Variants in NIPAL2 observed in about 807,000 individuals in gnomAD.
NIPAL2 encodes the protein NIPA-like protein 2.
In NIPAL2, 43 loss-of-function variants were observed where a neutral mutation model predicts 48.9. That is an observed-to-expected ratio of 0.88 (90% CI 0.69 to 1.13). The LOEUF is 1.13. Among genes scored for constraint, NIPAL2 ranks in the 50% most tolerant of loss-of-function variants. NIPAL2 has a pLI of 0.00. For synonymous variants in NIPAL2, 167 were observed against 174.6 expected (o/e 0.96, Z 0.34); for missense variants, 446 against 461.4 (o/e 0.97, Z 0.31).
At chr8:98,246,332 A>T (rs1241533809) in intron 3 of NIPAL2, among the ~76,000 whole-genome samples, 2 of 152,246 alleles carry the variant, frequency 1.3e-5, no homozygotes, top group Admixed American at 6.5e-5. Context: ...TGATTTGAGC[A>T]AAAACCAGCA....
intron 4 of NIPAL2, among the ~76,000 whole-genome samples, chr8:98,224,760 T>C (rs6986818): frequency 0.038 from 5,347 of 139,328 alleles, 334 homozygotes; most frequent in African/African-American, 0.15. Context: ...CTTTTCTTTT[T>C]TTTTTTTTTT....
At chr8:98,251,450 T>C (rs1035162865) in intron 3 of NIPAL2, among the ~76,000 whole-genome samples, 1 of 152,220 alleles carries the variant, frequency 6.6e-6, no homozygotes, top group African/African-American at 2.4e-5. Flanking sequence ...AGTAAATGAT[T>C]ACATAAATTG....
chr8:98,282,852 T>A (rs531615376), intron 1 of NIPAL2, among the ~76,000 whole-genome samples: 1 of 152,324 alleles, frequency 6.6e-6, no homozygotes, highest in South Asian at 2.1e-4. Flanking sequence ...GAGTTAAAAC[T>A]ATAATCCTAT....
At chr8:98,266,354 C>T (rs1297763128) in intron 1 of NIPAL2, among the ~76,000 whole-genome samples, 1 of 151,512 alleles carries the variant, frequency 6.6e-6, no homozygotes. Context: ...GTAATCTTAG[C>T]ACTTTGGGAG....
chr8:98,204,344 C>T (rs1012292153), intron 7 of NIPAL2, among the ~76,000 whole-genome samples: 2 of 152,168 alleles, frequency 1.3e-5, no homozygotes, highest in South Asian at 2.1e-4. Context: ...ATTTCTCACA[C>T]CTACAGAAGG....
chr8:98,266,377 G>A (rs1226144189), intron 1 of NIPAL2, among the ~76,000 whole-genome samples: 5 of 151,996 alleles, frequency 3.3e-5, no homozygotes, highest in East Asian at 3.9e-4. Context: ...TGAGATGGGC[G>A]GATTGCCTGA....
chr8:98,242,459 T>G (rs987100765), intron 3 of NIPAL2, among the ~76,000 whole-genome samples: 2 of 147,088 alleles, frequency 1.4e-5, no homozygotes, highest in African/African-American at 5.0e-5. Flanking sequence ...AGTGCTGAGA[T>G]TACAGGCAAA....
Position 98,242,752 on chromosome 8 carries a change from A to G in NIPAL2, c.377-6538T>C, listed in dbSNP as rs369109709. Among the ~76,000 whole-genome samples, 5 of 152,054 alleles carry G rather than the reference A, an allele frequency of 3.3e-5. No individual in the cohort carries two copies. In the South Asian group the frequency reaches 8.3e-4, roughly 25 times the overall value. On this transcript the variant is annotated intron_variant, in intron 3 of 10. Transcript: ENST00000430223. ...TCCCGCCTTGGCCTCGCAAAGTGCT[A>G]CGATTACAGGAGTGAGCCACCGCGC...
intron 3 of NIPAL2, chr8:98,252,169 CAT>C (rs1693780362): frequency 3.6e-6 from 1 of 278,252 alleles, no homozygotes. Flanking sequence ...TTAGGTAACT[CAT>C]TAATGATTAC....
At chr8:98,276,561 A>G (rs1372737555) in intron 1 of NIPAL2, among the ~76,000 whole-genome samples, 2 of 152,126 alleles carry the variant, frequency 1.3e-5, no homozygotes, top group Non-Finnish European at 2.9e-5. Context: ...ATACGTTTTC[A>G]GTGCCTGTGG....
At chr8:98,215,810 G>A (rs935095263) in intron 5 of NIPAL2, among the ~76,000 whole-genome samples, 6 of 152,024 alleles carry the variant, frequency 3.9e-5, no homozygotes, top group Non-Finnish European at 5.9e-5. Context: ...CCTTGTACCT[G>A]TGAGGTTTCC....
chr8:98,255,424 C>T (rs979312909), intron 1 of NIPAL2, among the ~76,000 whole-genome samples: 1 of 152,144 alleles, frequency 6.6e-6, no homozygotes, highest in Non-Finnish European at 1.5e-5. Context: ...CCACAAAGAA[C>T]CCTTTTCAGA....
chr8:98,231,236 G>A (rs1485774118), intron 4 of NIPAL2, among the ~76,000 whole-genome samples: 2 of 152,122 alleles, frequency 1.3e-5, no homozygotes, highest in African/African-American at 4.8e-5. Context: ...GTGATGTGGT[G>A]AATTCAAGTA....
At chr8:98,195,750 C>A (rs994057240) in intron 9 of NIPAL2, 192 bp downstream of exon 9, 3 of 463,278 alleles carry the variant, frequency 6.5e-6, no homozygotes, top group Non-Finnish European at 7.9e-6. Flanking sequence ...CAGAGATATA[C>A]CTAAGTCACA....
chr8:98,194,357 T>C (rs938802165), intron 10 of NIPAL2, among the ~76,000 whole-genome samples: 1 of 152,136 alleles, frequency 6.6e-6, no homozygotes, highest in Non-Finnish European at 1.5e-5. Flanking sequence ...ACATGCTCCT[T>C]AGCTGCCTAC....
At chr8:98,260,230 A>G (rs1299304873) in intron 1 of NIPAL2, among the ~76,000 whole-genome samples, 1 of 152,190 alleles carries the variant, frequency 6.6e-6, no homozygotes, top group African/African-American at 2.4e-5. Flanking sequence ...CAAAGCCATT[A>G]TCTTCTTTGA....
chr8:98,205,006 A>C, intron 7 of NIPAL2, 105 bp downstream of exon 7: 1 of 1,241,408 alleles, frequency 8.1e-7, no homozygotes, highest in South Asian at 1.3e-5. Context: ...ACCCTTAGAA[A>C]TCAGTTGTAT....
intron 5 of NIPAL2, among the ~76,000 whole-genome samples, chr8:98,219,485 CA>C: frequency 6.6e-6 from 1 of 152,004 alleles, no homozygotes; most frequent in Non-Finnish European, 1.5e-5. Flanking sequence ...GATGATGGGC[CA>C]GGGAGTAAAT....
Position 98,271,803 on chromosome 8 carries a change from A to C in NIPAL2, c.136-17716T>G, listed in dbSNP as rs553200239. 4.2e-4 allele frequency among the ~76,000 whole-genome samples: 63 copies of C among 151,706 alleles called. 1 individual carries two copies. The highest frequency in any genetic ancestry group is 1.5e-3 in the African/African-American group (62 of 41,414). ...GAATGCTTCCAGTTTTTGCCCATTTAGCATGATATTGGCTGTGGATTTGTC... is the reference window on the plus strand; with the variant it reads ...GAATGCTTCCAGTTTTTGCCCATTTCGCATGATATTGGCTGTGGATTTGTC... On this transcript the variant is annotated intron_variant, in intron 1 of 10. Coordinates refer to ENST00000430223, the MANE Select transcript of NIPAL2 (RefSeq NM_001321635.2).
Sources: allele counts gnomAD v4.1 joint callset (sites outside exome capture counted in the v4.1 genomes callset), GRCh38; gene constraint gnomAD v4.1.1; transcripts MANE v1.5; gene names NCBI Gene and HGNC (gene_info 2026-07-23, HGNC 2026-07-21).